The following SGMS1 variants were observed in gnomAD, a reference collection of about 807,000 sequenced individuals.
SGMS1 encodes phosphatidylcholine:ceramide cholinephosphotransferase 1.
SGMS1 carries 13 observed loss-of-function variants against 46.2 expected under a neutral mutation model. That is an observed-to-expected ratio of 0.28 (90% confidence interval 0.18 to 0.45). The LOEUF (loss-of-function observed/expected upper bound fraction) is 0.45. Among genes scored for constraint, SGMS1 ranks in the 20% least tolerant of loss-of-function variants. The pLI is 1.00. For synonymous variants in SGMS1, 203 were observed against 187.8 expected (o/e 1.08, Z -0.66); for missense variants, 324 against 519.9 (o/e 0.62, Z 3.66).
chr10:50,442,613 TGTCTTTG>T (rs1849560790), intron 5 of SGMS1, among the ~76,000 whole-genome samples: 1 of 152,220 alleles, frequency 6.6e-6, no homozygotes, highest in African/African-American at 2.4e-5. Flanking sequence ...GTGGATTCCA[TGTCTTTG>T]CTATTGTGAA....
At chr10:50,529,224 G>T (rs1199538610) in intron 2 of SGMS1, among the ~76,000 whole-genome samples, 1 of 152,146 alleles carries the variant, frequency 6.6e-6, no homozygotes, top group Non-Finnish European at 1.5e-5. Flanking sequence ...TTTTGTTTAT[G>T]GTTTTCTATG....
intron 3 of SGMS1, among the ~76,000 whole-genome samples, chr10:50,506,154 A>G (rs1356653987): frequency 6.6e-6 from 1 of 152,122 alleles, no homozygotes; most frequent in Non-Finnish European, 1.5e-5. Context: ...TCCCCATTAC[A>G]TGTAGATCCT....
intron 2 of SGMS1, among the ~76,000 whole-genome samples, chr10:50,533,596 A>G (rs942377079): frequency 5.3e-5 from 8 of 152,162 alleles, no homozygotes; most frequent in Non-Finnish European, 1.0e-4. Flanking sequence ...AATTGTTTAC[A>G]TACGATGTTT....
At chr10:50,504,284 T>C (rs1330214558) in intron 3 of SGMS1, among the ~76,000 whole-genome samples, 1 of 152,282 alleles carries the variant, frequency 6.6e-6, no homozygotes, top group Middle Eastern at 3.4e-3. Context: ...TGAGAATCTA[T>C]ATTTTTAATA....
intron 2 of SGMS1, among the ~76,000 whole-genome samples, chr10:50,531,113 C>T (rs969180599): frequency 2.0e-5 from 3 of 152,104 alleles, no homozygotes; most frequent in African/African-American, 7.2e-5. Context: ...AATTCAACAA[C>T]TACTTCACTA....
chr10:50,464,931 C>T (rs929249776), intron 4 of SGMS1, among the ~76,000 whole-genome samples: 2 of 152,154 alleles, frequency 1.3e-5, no homozygotes, highest in Non-Finnish European at 2.9e-5. Context: ...GCAGTTTGCC[C>T]TCTGGAGAAA....
At chr10:50,308,861 G>A (rs1229647190) in intron 9 of SGMS1, among the ~76,000 whole-genome samples, 1 of 152,166 alleles carries the variant, frequency 6.6e-6, no homozygotes, top group African/African-American at 2.4e-5. Flanking sequence ...GTTTGAATAT[G>A]ATCTATACTC....
At chr10:50,342,350 C>T (rs1847834291) in intron 7 of SGMS1, 2 of 152,182 alleles carry the variant, frequency 1.3e-5, no homozygotes, top group African/African-American at 4.8e-5. Flanking sequence ...TCAGATTCAG[C>T]TTAAACTCTA....
chr10:50,437,870 AGAG>A (rs151198900), intron 5 of SGMS1, among the ~76,000 whole-genome samples: 1,785 of 152,336 alleles, frequency 0.012, 36 homozygotes, highest in African/African-American at 0.041. Flanking sequence ...ACAAATGTCT[AGAG>A]AAGAATGTGT....
intron 8 of SGMS1, among the ~76,000 whole-genome samples, chr10:50,326,598 C>G (rs1847535959): frequency 6.6e-6 from 1 of 152,092 alleles, no homozygotes; most frequent in African/African-American, 2.4e-5. Flanking sequence ...CAACGATCAC[C>G]CTAGTTAAAA....
intron 2 of SGMS1, among the ~76,000 whole-genome samples, chr10:50,535,614 C>T (rs746869844): frequency 2.0e-5 from 3 of 152,116 alleles, no homozygotes; most frequent in Admixed American, 6.5e-5. Flanking sequence ...GTGATCCACC[C>T]GCCTCGGCCT....
chr10:50,372,036 T>G (rs1471315355), intron 6 of SGMS1, among the ~76,000 whole-genome samples: 2 of 152,216 alleles, frequency 1.3e-5, no homozygotes, highest in African/African-American at 4.8e-5. Flanking sequence ...CGCACTCTTA[T>G]CTATATAATC....
chr10:50,606,189 G>A (rs1004190539), intron 1 of SGMS1, among the ~76,000 whole-genome samples: 1 of 152,310 alleles, frequency 6.6e-6, no homozygotes, highest in African/African-American at 2.4e-5. Context: ...TACAATATGC[G>A]TGAACTCTGA....
chr10:50,322,352 C>T (rs1187302805), intron 8 of SGMS1, among the ~76,000 whole-genome samples: 1 of 152,266 alleles, frequency 6.6e-6, no homozygotes, highest in African/African-American at 2.4e-5. Flanking sequence ...AAATGAGAGT[C>T]GAAAACAGTG....
chr10:50,526,654 T>C (rs1837903920), intron 2 of SGMS1, among the ~76,000 whole-genome samples: 1 of 152,236 alleles, frequency 6.6e-6, no homozygotes, highest in Non-Finnish European at 1.5e-5. Context: ...TAGCTATTAT[T>C]ACTGCCAAAT....
intron 2 of SGMS1, among the ~76,000 whole-genome samples, chr10:50,523,572 G>A (rs1020586171): frequency 1.3e-5 from 2 of 152,174 alleles, no homozygotes; most frequent in African/African-American, 4.8e-5. Flanking sequence ...AAACAGTAGA[G>A]CCTACCCTAA....
chr10:50,541,042 T>C (rs1052471926), intron 2 of SGMS1, among the ~76,000 whole-genome samples: 8 of 152,162 alleles, frequency 5.3e-5, no homozygotes, highest in East Asian at 3.8e-4. Context: ...TCAGCTCTGA[T>C]TGAAGTGCTT....
intron 6 of SGMS1, among the ~76,000 whole-genome samples, chr10:50,414,999 T>C (rs1424372461): frequency 6.6e-6 from 1 of 152,212 alleles, no homozygotes; most frequent in African/African-American, 2.4e-5. Context: ...CCGGCGCCTG[T>C]AGTCCCAGCT....
chr10:50,624,532 G>A (rs1334542362), upstream of SGMS1: 1 of 947,406 alleles, frequency 1.1e-6, no homozygotes, highest in Non-Finnish European at 1.3e-6. Context: ...GAGCGCGACG[G>A]AGGCGCAAGA....
Sources: gnomAD v4.1 joint callset for allele counts (sites outside exome capture counted in the v4.1 genomes callset) on GRCh38, gnomAD v4.1.1 for gene constraint, MANE v1.5 for transcripts, NCBI Gene and HGNC (gene_info 2026-07-23, HGNC 2026-07-21) for gene names.